Variants in RFX3 observed in about 807,000 individuals in gnomAD.
RFX3 encodes transcription factor RFX3.
A neutral mutation model predicts 98.6 loss-of-function variants in RFX3; 14 were observed. The ratio of observed to expected loss-of-function variants is 0.14; its 90% CI spans 0.09 to 0.22. The LOEUF (loss-of-function observed/expected upper bound fraction) is 0.22. Among genes scored for constraint, RFX3 ranks in the 10% least tolerant of loss-of-function variants. The probability of loss-of-function intolerance (pLI) is 1.00; values close to 1 mark genes in which losing one functional copy is unlikely to be tolerated. For synonymous variants in RFX3, 383 were observed against 328.4 expected, an observed-to-expected ratio of 1.17 and a Z score of -1.80; for missense variants, 639 against 926.9, an observed-to-expected ratio of 0.69 and a Z score of 4.03.
intron 11 of RFX3, among the ~76,000 whole-genome samples, chr9:3,268,698 G>C (rs986558128): frequency 6.6e-6 from 1 of 151,926 alleles, no homozygotes; most frequent in Admixed American, 6.6e-5. Flanking sequence ...ACAAAGGCCA[G>C]TGTATTGTGT....
At chr9:3,523,157 C>T (rs894945331) in intron 1 of RFX3, among the ~76,000 whole-genome samples, 8 of 152,282 alleles carry the variant, frequency 5.3e-5, no homozygotes, top group Middle Eastern at 3.4e-3. Flanking sequence ...TTATGACATA[C>T]ATTGAATCAC....
intron 4 of RFX3, among the ~76,000 whole-genome samples, chr9:3,325,707 G>C (rs1831833003): frequency 6.6e-6 from 1 of 151,856 alleles, no homozygotes; most frequent in Non-Finnish European, 1.5e-5. Flanking sequence ...GCATACTCTG[G>C]TATAAGATAA....
chr9:3,512,653 C>A (rs1015589507), intron 1 of RFX3, among the ~76,000 whole-genome samples: 2 of 151,876 alleles, frequency 1.3e-5, no homozygotes, highest in Admixed American at 6.6e-5. Context: ...AGTCAAAGAT[C>A]CCAGCACCTT....
At chr9:3,504,133 ATATAT>A (rs953570766) in intron 1 of RFX3, among the ~76,000 whole-genome samples, 28 of 121,888 alleles carry the variant, frequency 2.3e-4, no homozygotes, top group Non-Finnish European at 3.5e-4. Context: ...CTCTCTTTAT[ATATAT>A]TATATATTAT....
At chr9:3,405,372 T>C (rs1263958465) in intron 1 of RFX3, among the ~76,000 whole-genome samples, 1 of 152,178 alleles carries the variant, frequency 6.6e-6, no homozygotes, top group Admixed American at 6.5e-5. Flanking sequence ...CAATAATCCT[T>C]CCTTCTATTG....
At chr9:3,259,823 G>A (rs1456025176) in intron 13 of RFX3, among the ~76,000 whole-genome samples, 1 of 152,008 alleles carries the variant, frequency 6.6e-6, no homozygotes, top group African/African-American at 2.4e-5. Context: ...TATCCTGAAA[G>A]GAACTTTTTA....
intron 1 of RFX3, among the ~76,000 whole-genome samples, chr9:3,485,487 C>T (rs1019702638): frequency 4.6e-5 from 7 of 152,170 alleles, no homozygotes; most frequent in African/African-American, 9.6e-5. Flanking sequence ...GAGCTGCTTA[C>T]GCTAGACCAC....
chr9:3,353,021 A>G (rs1300314368), intron 2 of RFX3, among the ~76,000 whole-genome samples: 1 of 152,132 alleles, frequency 6.6e-6, no homozygotes, highest in Non-Finnish European at 1.5e-5. Context: ...GCAGCCATAA[A>G]AAATGATGAG....
chr9:3,349,650 C>T (rs1834866285), intron 2 of RFX3, among the ~76,000 whole-genome samples: 1 of 151,994 alleles, frequency 6.6e-6, no homozygotes, highest in Non-Finnish European at 1.5e-5. Context: ...TTCTTTTTCT[C>T]TATATCTTTT....
chr9:3,504,210 A>G (rs1013510541), intron 1 of RFX3, among the ~76,000 whole-genome samples: 13 of 123,408 alleles, frequency 1.1e-4, no homozygotes, highest in Admixed American at 4.4e-4. Context: ...TATTATATAT[A>G]TTATATACTA....
intron 1 of RFX3, among the ~76,000 whole-genome samples, chr9:3,516,024 T>G (rs1009065580): frequency 2.0e-5 from 3 of 152,098 alleles, no homozygotes; most frequent in East Asian, 3.8e-4. Flanking sequence ...AGAAGTCTAC[T>G]AACCAAAGTA....
intron 16 of RFX3, 130 bp from the exon 17 acceptor site, chr9:3,225,410 G>C (rs1817648712): frequency 7.3e-7 from 1 of 1,362,384 alleles, no homozygotes; most frequent in African/African-American, 1.5e-5. Context: ...AGGAAACAAA[G>C]CTTAGAGGTT....
intron 14 of RFX3, 40 bp downstream of exon 14, chr9:3,256,951 G>C (rs778224196): frequency 7.8e-6 from 12 of 1,530,864 alleles, no homozygotes; most frequent in African/African-American, 1.4e-5. Context: ...CATATTTGCA[G>C]AATATGAAGA....
Position 3,483,013 on chromosome 9 carries a change from A to C in RFX3, c.-9+42734T>G, listed in dbSNP as rs543606871. Among the ~76,000 whole-genome samples the C allele has an allele frequency of 3.9e-5, 6 of 152,310 alleles. No individual in the cohort carries two copies. The South Asian group carries it at 1.2e-3, about 32-fold the overall frequency. On this transcript the variant is annotated intron_variant, in intron 1 of 16. Coordinates refer to ENST00000617270, the MANE Select transcript of RFX3 (RefSeq NM_001282116.2). Reference sequence around the variant, plus strand: ...AGTTTAGCCATTGTACCAAGAGTATAAGCAGTTTAGCTATTTGCTTCATAG... The same window carrying C: ...AGTTTAGCCATTGTACCAAGAGTATCAGCAGTTTAGCTATTTGCTTCATAG...
chr9:3,241,613 T>C (rs936282399), intron 15 of RFX3, among the ~76,000 whole-genome samples: 1 of 152,054 alleles, frequency 6.6e-6, no homozygotes, highest in Non-Finnish European at 1.5e-5. Context: ...CTCTGGAACT[T>C]TGGGGTCACT....
At chr9:3,318,946 C>A (rs1163582632) in intron 4 of RFX3, among the ~76,000 whole-genome samples, 1 of 152,178 alleles carries the variant, frequency 6.6e-6, no homozygotes, top group East Asian at 1.9e-4. Flanking sequence ...TTCCCCCACC[C>A]TCACTAGAAG....
intron 2 of RFX3, among the ~76,000 whole-genome samples, chr9:3,383,485 A>G (rs1839405701): frequency 6.6e-6 from 1 of 152,040 alleles, no homozygotes; most frequent in Non-Finnish European, 1.5e-5. Flanking sequence ...TGACTGCTTT[A>G]TCTCTGGAAG....
chr9:3,435,743 T>G (rs1389910785), intron 1 of RFX3, among the ~76,000 whole-genome samples: 3 of 150,064 alleles, frequency 2.0e-5, no homozygotes, highest in African/African-American at 7.4e-5. Flanking sequence ...AATGGATAAT[T>G]ATTCACATTC....
intron 2 of RFX3, among the ~76,000 whole-genome samples, chr9:3,386,823 C>G (rs535309486): frequency 6.6e-6 from 1 of 152,124 alleles, no homozygotes; most frequent in Non-Finnish European, 1.5e-5. Flanking sequence ...ACATATGTCT[C>G]TTATCAGGAA....
Sources: allele counts gnomAD v4.1 joint callset (sites outside exome capture counted in the v4.1 genomes callset), GRCh38; gene constraint gnomAD v4.1.1; transcripts MANE v1.5; gene names NCBI Gene and HGNC (gene_info 2026-07-23, HGNC 2026-07-21).